ERGIC1: variants seen among roughly 807,000 people sequenced by gnomAD.
The protein encoded by ERGIC1 is endoplasmic reticulum-golgi intermediate compartment 1, also known as endoplasmic reticulum-Golgi intermediate compartment protein 1.
In ERGIC1, 19 loss-of-function variants were observed where a neutral mutation model predicts 38.3. The ratio of observed to expected loss-of-function variants is 0.50; its 90% CI spans 0.35 to 0.73. The LOEUF (loss-of-function observed/expected upper bound fraction) is 0.73. ERGIC1 is among the 30% of genes least tolerant of loss of function. The pLI is 0.01. For missense variants in ERGIC1, 294 were observed against 389.2 expected (o/e 0.76, Z 2.06); for synonymous variants, 124 against 157.6 (o/e 0.79, Z 1.60).
intron 1 of ERGIC1, among the ~76,000 whole-genome samples, chr5:172,881,279 A>G (rs894082154): frequency 1.3e-5 from 2 of 152,184 alleles, no homozygotes; most frequent in Non-Finnish European, 2.9e-5. Flanking sequence ...GAAACTGTCT[A>G]AGTATCCACA....
At chr5:172,861,584 A>G (rs1020654139) in intron 1 of ERGIC1, among the ~76,000 whole-genome samples, 2 of 152,210 alleles carry the variant, frequency 1.3e-5, no homozygotes, top group African/African-American at 4.8e-5. Context: ...ACACTGATCT[A>G]CTAACGTTGC....
intron 5 of ERGIC1, among the ~76,000 whole-genome samples, chr5:172,919,318 C>A (rs1041108358): frequency 1.3e-5 from 2 of 152,172 alleles, no homozygotes; most frequent in Non-Finnish European, 2.9e-5. Flanking sequence ...TCACTGTGGG[C>A]CCCCCGCCCC....
Position 172,834,459 on chromosome 5 carries a change from G to C in ERGIC1, c.20+26G>C. Reference sequence around the variant, plus strand: ...GTGAGTGTGGCGACCCCGGCCAGTCGGGAGTTCCCTCAGCGGGCAGAGGGA... The same window carrying C: ...GTGAGTGTGGCGACCCCGGCCAGTCCGGAGTTCCCTCAGCGGGCAGAGGGA... On this transcript the variant is annotated intron_variant, in intron 1 of 9. Transcript: ENST00000393784. This position sits in a 1 kb window ranked among gnomAD's most constrained non-coding sequence, Gnocchi z 4.1. 5.3e-6 allele frequency: 7 copies of C among 1,308,818 alleles called. No homozygotes were observed. Among genetic ancestry groups the C allele is most frequent in the Non-Finnish European group, 6.8e-6 (7 of 1,025,728 alleles). The allele number at this position is 1,308,818 out of a possible 1,614,324, so 81.1% of individuals were successfully genotyped here. A position where few individuals can be genotyped will look rare whatever the true frequency, so the allele number is the denominator to read the frequency against.
At chr5:172,947,618 G>A (rs1162348681) in intron 9 of ERGIC1, among the ~76,000 whole-genome samples, 1 of 152,234 alleles carries the variant, frequency 6.6e-6, no homozygotes, top group East Asian at 1.9e-4. Context: ...CTCATAGGTA[G>A]TCTGCCTCAG....
intron 5 of ERGIC1, 123 bp downstream of exon 5, chr5:172,914,961 G>A (rs1425348053): frequency 6.7e-7 from 1 of 1,483,450 alleles, no homozygotes; most frequent in Admixed American, 1.9e-5. Context: ...CAGCAAGCGA[G>A]GGTTCGTGTC....
intron 1 of ERGIC1, among the ~76,000 whole-genome samples, chr5:172,856,418 A>G (rs35712367): frequency 3.5e-5 from 3 of 86,482 alleles, no homozygotes; most frequent in Admixed American, 1.3e-4. Flanking sequence ...GGAGTGAATC[A>G]GGGTGCTTCC....
At chr5:172,908,300 C>CGGG (rs374463442) in intron 3 of ERGIC1, among the ~76,000 whole-genome samples, 1 of 17,152 alleles carries the variant, frequency 5.8e-5, no homozygotes, top group African/African-American at 2.9e-4. Context: ...GAGGCTGAGG[C>CGGG]GGGGGCGGGG....
At chr5:172,924,987 C>T (rs1393929227) in intron 6 of ERGIC1, among the ~76,000 whole-genome samples, 1 of 152,128 alleles carries the variant, frequency 6.6e-6, no homozygotes, top group East Asian at 1.9e-4. Flanking sequence ...CCTGTAATCC[C>T]AGCACTTTGG....
At chr5:172,858,494 C>T (rs899170247) in intron 1 of ERGIC1, among the ~76,000 whole-genome samples, 1 of 152,182 alleles carries the variant, frequency 6.6e-6, no homozygotes, top group South Asian at 2.1e-4. Context: ...GTCAGTCACA[C>T]GCTAGAGGAA....
chr5:172,857,622 C>T (rs1044118862), intron 1 of ERGIC1, among the ~76,000 whole-genome samples: 4 of 126,634 alleles, frequency 3.2e-5, no homozygotes, highest in Admixed American at 8.7e-5. Flanking sequence ...TTGTGTGAGG[C>T]CAAAATGAGA....
At chr5:172,944,790 C>T (rs1764084845) in intron 9 of ERGIC1, among the ~76,000 whole-genome samples, 1 of 152,334 alleles carries the variant, frequency 6.6e-6, no homozygotes, top group Non-Finnish European at 1.5e-5. Context: ...CATCGCTTTC[C>T]AGGTGCAGGG....
intron 1 of ERGIC1, among the ~76,000 whole-genome samples, chr5:172,866,029 G>A (rs1761852316): frequency 6.6e-6 from 1 of 152,100 alleles, no homozygotes; most frequent in Admixed American, 6.5e-5. Context: ...ATGCAAGTTG[G>A]TAAATTTGTA....
chr5:172,924,555 T>C (rs1291025194), intron 6 of ERGIC1, among the ~76,000 whole-genome samples: 2 of 151,996 alleles, frequency 1.3e-5, no homozygotes, highest in African/African-American at 4.8e-5. Flanking sequence ...AAGGTCTGGT[T>C]GGTGACTCAG....
In ERGIC1 at chr5:172,923,987, C is replaced by T. The variant is rs773661322; in HGVS notation, c.376-18C>T. 5.0e-6 allele frequency: 8 copies of T among 1,612,970 alleles called. No homozygotes were observed. The South Asian group carries it at 7.7e-5, about 16-fold the overall frequency. On this transcript the variant is annotated intron_variant, in intron 5 of 9. Coordinates refer to ENST00000393784, the MANE Select transcript of ERGIC1 (RefSeq NM_001031711.3). ...GGAGAAGTCAACCAAACTCCTGAAA[C>T]TCACATTTCTCCCCCAGGTCCCCGG...
chr5:172,949,475 G>A (rs1349544179), intron 9 of ERGIC1, among the ~76,000 whole-genome samples: 1 of 152,182 alleles, frequency 6.6e-6, no homozygotes, highest in Non-Finnish European at 1.5e-5. Context: ...GGAAGGTGCT[G>A]TGTAAGTACT....
At chr5:172,888,650 G>C in intron 1 of ERGIC1, 49 bp from the exon 2 acceptor site, 1 of 1,498,104 alleles carries the variant, frequency 6.7e-7, no homozygotes, top group South Asian at 1.1e-5. Context: ...GCTGCCTTGA[G>C]ACCCACCCTT....
chr5:172,899,856 G>C (rs1762826626), intron 3 of ERGIC1, among the ~76,000 whole-genome samples: 1 of 152,224 alleles, frequency 6.6e-6, no homozygotes, highest in South Asian at 2.1e-4. Context: ...GATCAAACAA[G>C]ATTATTTAGC....
intron 3 of ERGIC1, among the ~76,000 whole-genome samples, chr5:172,904,993 C>G (rs186532463): frequency 6.6e-6 from 1 of 152,194 alleles, no homozygotes; most frequent in Non-Finnish European, 1.5e-5. Flanking sequence ...AGCCTGTTCT[C>G]TGCTTATTCT....
chr5:172,867,315 G>T (rs1237636787), intron 1 of ERGIC1: 16 of 420,454 alleles, frequency 3.8e-5, no homozygotes, highest in African/African-American at 3.2e-4. Flanking sequence ...GGCAGGTCCA[G>T]TTTGGATGAA....
Sources: allele counts gnomAD v4.1 joint callset (sites outside exome capture counted in the v4.1 genomes callset), GRCh38; gene constraint gnomAD v4.1.1; non-coding constraint Gnocchi (gnomAD v3.1); transcripts MANE v1.5; gene names NCBI Gene and HGNC (gene_info 2026-07-23, HGNC 2026-07-21).